YPEL1: variants seen among roughly 807,000 people sequenced by gnomAD.
YPEL1 encodes the protein protein yippee-like 1.
YPEL1 carries 7 observed loss-of-function variants against 17.3 expected under a neutral mutation model. The observed-to-expected ratio is 0.40, with a 90% CI of 0.23 to 0.76. The LOEUF is 0.76. Ranked by LOEUF, YPEL1 falls within the 30% of genes least tolerant of loss-of-function variation. The pLI, the probability that YPEL1 is intolerant of heterozygous loss-of-function variation, is 0.35. For missense variants in YPEL1, 91 were observed against 155.5 expected, an observed-to-expected ratio of 0.59 and a Z score of 2.21; for synonymous variants, 59 against 59.6, an observed-to-expected ratio of 0.99 and a Z score of 0.05.
At chr22:21,725,608 T>C (rs1263622610) in intron 1 of YPEL1, among the ~76,000 whole-genome samples, 1 of 152,138 alleles carries the variant, frequency 6.6e-6, no homozygotes, top group African/African-American at 2.4e-5. Context: ...ACTAGTGTCC[T>C]GGCCCCTGAA....
chr22:21,703,707 C>CCG lies in YPEL1; in HGVS notation c.161+130_161+131dup. 1.5e-6 allele frequency: 1 copy of CCG among 660,018 alleles called. No homozygotes were observed. Among genetic ancestry groups the CCG allele is most frequent in the Non-Finnish European group, 2.3e-6 (1 of 430,026 alleles). The allele number at this position is 660,018 out of a possible 1,614,324, so 40.9% of individuals were successfully genotyped here. Reference sequence around the variant, plus strand: ...GATCCTTAGCGCGTTTCAGAAACTCCCGGCGGGGGGATGGTGGGTTCTTTC... The same window carrying CCG: ...GATCCTTAGCGCGTTTCAGAAACTCCCGCGGCGGGGGGATGGTGGGTTCTTTC... On this transcript the variant is annotated intron_variant, in intron 3 of 4. Transcript: ENST00000339468. This position sits in a 1 kb window ranked among gnomAD's most constrained non-coding sequence, Gnocchi z 6.1.
chr22:21,698,502 C>T lies in YPEL1; in HGVS notation c.*2627G>A, dbSNP rs1482329566. On this transcript the variant is annotated 3_prime_UTR_variant, in exon 5 of 5. Transcript: ENST00000339468. ...CTCAGGACTTGGCTGTCCTCGCACC[C>T]GTGGCAGGCTGGGGACGGCACGAAC... 2.6e-5 allele frequency: 4 copies of T among 152,468 alleles called. No individual in the cohort carries two copies. The highest frequency in any genetic ancestry group is 5.9e-5 in the Non-Finnish European group (4 of 68,024). The allele number at this position is 152,468 out of a possible 1,614,324, so 9.4% of individuals were successfully genotyped here.
Position 21,703,844 on chromosome 22 carries a change from A to G in YPEL1, c.156T>C (p.Asn52=), listed in dbSNP as rs2148595805. The G allele has an allele frequency of 6.2e-7, 1 of 1,609,620 alleles. No individual in the cohort carries two copies. Among genetic ancestry groups the G allele is most frequent in the South Asian group, 1.1e-5 (1 of 90,060 alleles). ...GGCTGAACCAGGGTACTCACACGGA[A>G]TTGAAGAGGTAGGCGCGTCCCTGGC... ...QGSQGRAYLF[N]SVVNVGCGPA... Residue 52 remains asparagine, a synonymous_variant, in exon 3 of 5, where the codon AAT becomes AAC. Transcript: ENST00000339468. This position sits in a 1 kb window ranked among gnomAD's most constrained non-coding sequence, Gnocchi z 6.1.
chr22:21,718,402 T>C (rs755502687), intron 1 of YPEL1, among the ~76,000 whole-genome samples: 2 of 151,622 alleles, frequency 1.3e-5, no homozygotes, highest in African/African-American at 2.4e-5. Context: ...GAGGTGGAGC[T>C]TGCAGTGAGC....
At chr22:21,717,267 T>C (rs1167738915) in intron 1 of YPEL1, among the ~76,000 whole-genome samples, 1 of 151,308 alleles carries the variant, frequency 6.6e-6, no homozygotes, top group Non-Finnish European at 1.5e-5. Flanking sequence ...TCTCAGCTAC[T>C]CAGGAGGCTG....
At chr22:21,719,649 G>T (rs2068260494) in intron 1 of YPEL1, among the ~76,000 whole-genome samples, 2 of 152,082 alleles carry the variant, frequency 1.3e-5, no homozygotes, top group African/African-American at 4.8e-5. Context: ...CTTTGGGAGG[G>T]TGAGGCAGGA....
At chr22:21,731,556 A>AAAG (rs1467559481) in intron 1 of YPEL1, among the ~76,000 whole-genome samples, 2 of 151,226 alleles carry the variant, frequency 1.3e-5, no homozygotes, top group Non-Finnish European at 2.9e-5. Flanking sequence ...AAAAAAAAAA[A>AAAG]CAGATACACA....
At chr22:21,713,251 C>T (rs1165487336) in intron 1 of YPEL1, among the ~76,000 whole-genome samples, 1 of 152,192 alleles carries the variant, frequency 6.6e-6, no homozygotes, top group Admixed American at 6.5e-5. Flanking sequence ...TCCAGCAATT[C>T]CACTGCTGGG....
In YPEL1 at chr22:21,717,388, A is replaced by C. The variant is rs968468491; in HGVS notation, c.-164-6480T>G. Among the ~76,000 whole-genome samples the C allele has an allele frequency of 7.8e-4, 118 of 152,006 alleles. 1 individual carries two copies. The highest frequency in any genetic ancestry group is 2.4e-3 in the African/African-American group (101 of 41,498). On this transcript the variant is annotated intron_variant, in intron 1 of 4. Coordinates refer to ENST00000339468, the MANE Select transcript of YPEL1 (RefSeq NM_013313.5). ...CAATAGTCCGTCTCAAAAAAAAAAA[A>C]AAAACAAAAAAACAGTGAGGAAGGT...
rs1229658366 is a variant in YPEL1, at chr22:21,735,107, G to T, written c.-165+508C>A. ...ACCCTGTTTAGATCTCTGAAGCTCA[G>T]GCTTTTGCAATCTCTGTTAACGAAA... is the stretch of plus-strand genomic sequence containing the variant. On this transcript the variant is annotated intron_variant, in intron 1 of 4. Transcript: ENST00000339468. 2.6e-5 allele frequency among the ~76,000 whole-genome samples: 4 copies of T among 152,112 alleles called. No homozygotes were observed. The East Asian group carries it at 7.7e-4, about 29-fold the overall frequency.
intron 2 of YPEL1, among the ~76,000 whole-genome samples, chr22:21,709,791 C>T (rs2068147840): frequency 1.4e-5 from 2 of 147,226 alleles, no homozygotes; most frequent in South Asian, 2.2e-4. Flanking sequence ...AGGTCATGAC[C>T]TATAAGGATG....
intron 4 of YPEL1, among the ~76,000 whole-genome samples, chr22:21,702,425 A>G (rs1218871245): frequency 5.9e-5 from 9 of 152,192 alleles, no homozygotes; most frequent in African/African-American, 1.9e-4. Context: ...GAGACCAGAG[A>G]TGATCAGGAA....
rs1054206111 is a variant in YPEL1, at chr22:21,697,865, G to A, written c.*3264C>T. ...TATTAAAACCATTTGAATTTTTAAC[G>A]ACCTGATGAGGGCATCAGGTAAATT... On this transcript the variant is annotated 3_prime_UTR_variant, in exon 5 of 5. Coordinates refer to ENST00000339468, the MANE Select transcript of YPEL1 (RefSeq NM_013313.5). 4 of 152,406 alleles carry A rather than the reference G, an allele frequency of 2.6e-5. No homozygotes were observed. The highest frequency in any genetic ancestry group is 1.9e-4 in the East Asian group (1 of 5,328). The allele number at this position is 152,406 out of a possible 1,614,324, so 9.4% of individuals were successfully genotyped here.
chr22:21,699,522 G>C lies in YPEL1; in HGVS notation c.*1607C>G, dbSNP rs2068042204. On this transcript the variant is annotated 3_prime_UTR_variant, in exon 5 of 5. Coordinates refer to ENST00000339468, the MANE Select transcript of YPEL1 (RefSeq NM_013313.5). ...AATAAAATATATGGCAGAAACACAG[G>C]CCTTAGGAGATTGCACAGGCCCCTC... is the stretch of plus-strand genomic sequence containing the variant. 6.6e-6 allele frequency: 1 copy of C among 152,442 alleles called. No homozygotes were observed. The highest frequency in any genetic ancestry group is 1.5e-5 in the Non-Finnish European group (1 of 68,076). The allele number at this position is 152,442 out of a possible 1,614,324, so 9.4% of individuals were successfully genotyped here.
At chr22:21,710,458 C>A in intron 2 of YPEL1, 170 bp downstream of exon 2, 2 of 655,478 alleles carry the variant, frequency 3.1e-6, no homozygotes, top group South Asian at 3.6e-5. Context: ...CGTGGCACAG[C>A]CACACTTAAC....
chr22:21,708,743 T>C (rs2068137670), intron 2 of YPEL1, among the ~76,000 whole-genome samples: 1 of 150,316 alleles, frequency 6.7e-6, no homozygotes, highest in Admixed American at 6.7e-5. Flanking sequence ...CTCGACTCAC[T>C]GCAACCTCCG....
chr22:21,720,011 C>CAA (rs112623506), intron 1 of YPEL1, among the ~76,000 whole-genome samples: 9 of 112,926 alleles, frequency 8.0e-5, no homozygotes, highest in African/African-American at 1.0e-4. Flanking sequence ...GACTCCATCT[C>CAA]AAAAAAAAAA....
In YPEL1 at chr22:21,703,506, GCAGGCCCGGCCCGCCCCTGAC is replaced by G. The variant is rs772872249; in HGVS notation, c.162-49_162-29del. The G allele has an allele frequency of 6.9e-6, 11 of 1,584,312 alleles. No homozygotes were observed. Among genetic ancestry groups the G allele is most frequent in the East Asian group, 6.7e-5 (3 of 44,670 alleles). ...GCGGGGACAGAGGGGCCACTGCGCT[GCAGGCCCGGCCCGCCCCTGAC>G]CAGGCCCTGCCCCCTCAGCGGGCCC... On this transcript the variant is annotated intron_variant, in intron 3 of 4. Coordinates refer to ENST00000339468, the MANE Select transcript of YPEL1 (RefSeq NM_013313.5). The surrounding 1 kb of genome is among the most constrained non-coding windows in gnomAD (Gnocchi z 6.1).
intron 2 of YPEL1, among the ~76,000 whole-genome samples, chr22:21,709,105 A>G (rs1016292632): frequency 6.6e-6 from 1 of 152,164 alleles, no homozygotes; most frequent in Non-Finnish European, 1.5e-5. Flanking sequence ...GGGGCCGGAC[A>G]TTGACCACCT....
Sources: gnomAD v4.1 joint callset for allele counts (sites outside exome capture counted in the v4.1 genomes callset) on GRCh38, gnomAD v4.1.1 for gene constraint, Gnocchi (gnomAD v3.1) non-coding constraint, MANE v1.5 for transcripts, NCBI Gene and HGNC (gene_info 2026-07-23, HGNC 2026-07-21) for gene names.